The following NAAA variants were observed in gnomAD, a reference collection of about 807,000 sequenced individuals.
The protein encoded by NAAA is N-acylethanolamine-hydrolyzing acid amidase.
NAAA carries 39 observed loss-of-function variants against 44.8 expected under a neutral mutation model. That is an observed-to-expected ratio of 0.87 (90% CI 0.67 to 1.14). NAAA has a LOEUF of 1.14. Among genes scored for constraint, NAAA ranks in the 50% most tolerant of loss-of-function variants. The probability of loss-of-function intolerance (pLI) is 0.00; values close to 1 mark genes in which losing one functional copy is unlikely to be tolerated. For missense variants in NAAA, 460 were observed against 467.8 expected (o/e 0.98, Z 0.15); for synonymous variants, 178 against 191.3 (o/e 0.93, Z 0.58).
chr4:75,918,986 A>C (rs1293567922), intron 8 of NAAA, among the ~76,000 whole-genome samples, 197 bp from the exon 9 acceptor site: 1 of 152,124 alleles, frequency 6.6e-6, no homozygotes, highest in Non-Finnish European at 1.5e-5. Context: ...TTACTAAAAA[A>C]GAAAAAAAAA....
At chr4:75,936,294 A>G (rs1727713720) in intron 2 of NAAA, 59 bp from the exon 3 acceptor site, 3 of 1,563,464 alleles carry the variant, frequency 1.9e-6, no homozygotes, top group Admixed American at 2.1e-5. Flanking sequence ...AAAAAGGAAA[A>G]GGAGTTTTTC....
At chr4:75,916,070 CT>C (rs1323675332) in intron 9 of NAAA, among the ~76,000 whole-genome samples, 2 of 152,194 alleles carry the variant, frequency 1.3e-5, no homozygotes, top group African/African-American at 4.8e-5. Context: ...TGCTCGTTTA[CT>C]TTAGTCATAG....
chr4:75,934,049 GTAGTAATAA>G (rs1273229437), intron 3 of NAAA, among the ~76,000 whole-genome samples: 1 of 87,036 alleles, frequency 1.1e-5, no homozygotes, highest in African/African-American at 4.0e-5. Context: ...AACAATAGTA[GTAGTAATAA>G]TAATAATAAT....
intron 4 of NAAA, among the ~76,000 whole-genome samples, chr4:75,926,330 G>A (rs1284061131): frequency 6.6e-6 from 1 of 152,118 alleles, no homozygotes; most frequent in African/African-American, 2.4e-5. Flanking sequence ...GGAGGCCGAG[G>A]TGGGCGGATC....
intron 1 of NAAA, 88 bp downstream of exon 1, chr4:75,940,656 C>T: frequency 4.4e-6 from 6 of 1,369,942 alleles, no homozygotes; most frequent in Non-Finnish European, 5.8e-6. Context: ...GTAAAGCGTC[C>T]CCGTTTAAAG....
At position 75,919,836 on chromosome 4, in the gene NAAA, C is replaced by T. The variant is rs746598566; in HGVS notation, c.969+73G>A. ...CGTTTTCATCTACCAGAAGATTTCA[C>T]GGAGTTTTTCATATTCACTATTAAC... On this transcript the variant is annotated intron_variant, in intron 8 of 10. Transcript: ENST00000286733. 7.3e-5 allele frequency: 100 copies of T among 1,371,220 alleles called. 1 individual carries two copies. In the Admixed American group the frequency reaches 1.3e-3, roughly 18 times the overall value. The allele number at this position is 1,371,220 out of a possible 1,614,324, so 84.9% of individuals were successfully genotyped here. A position where few individuals can be genotyped will look rare whatever the true frequency, so the allele number is the denominator to read the frequency against.
chr4:75,934,225 C>A (rs1017257420), intron 3 of NAAA, among the ~76,000 whole-genome samples: 4 of 151,760 alleles, frequency 2.6e-5, no homozygotes, highest in African/African-American at 9.7e-5. Flanking sequence ...GAAGCTGGGC[C>A]CCCTCATCTA....
downstream of NAAA, among the ~76,000 whole-genome samples, chr4:75,912,592 T>C (rs1702845830): frequency 6.7e-6 from 1 of 149,330 alleles, no homozygotes; most frequent in South Asian, 2.1e-4. Flanking sequence ...CTGGCCAACA[T>C]GGCAAAAGCC....
Position 75,913,796 on chromosome 4 carries a change from A to G in NAAA, c.*579T>C. The G allele has an allele frequency of 2.0e-6, 2 of 984,938 alleles. No homozygotes were observed. The highest frequency in any genetic ancestry group is 4.7e-5 in the South Asian group (1 of 21,282). 61.0% of individuals were successfully genotyped at this position (984,938 alleles called of 1,614,324 possible). ...AGAAAGTAGCTATTGAGAAAGAAGG[A>G]GGGCCATAGGTTTTTCAATAAAACG... On this transcript the variant is annotated 3_prime_UTR_variant, in exon 11 of 11. Transcript: ENST00000286733.
At position 75,940,400 on chromosome 4, in the gene NAAA, G is replaced by C. The variant is rs944378558; in HGVS notation, c.207-235C>G. The C allele has an allele frequency of 2.0e-5, 12 of 589,032 alleles. No individual in the cohort carries two copies. The African/African-American group carries it at 2.0e-4, about 10-fold the overall frequency. The allele number at this position is 589,032 out of a possible 1,614,324, so 36.5% of individuals were successfully genotyped here. On this transcript the variant is annotated intron_variant, in intron 1 of 10. Coordinates refer to ENST00000286733, the MANE Select transcript of NAAA (RefSeq NM_014435.4). ...AACTCCGAATGGGGAGGGCGAGTGAGGCTGGTCCCAAAGGGGCAAGCTTGG... is the reference window on the plus strand; with the variant it reads ...AACTCCGAATGGGGAGGGCGAGTGACGCTGGTCCCAAAGGGGCAAGCTTGG...
downstream of NAAA, among the ~76,000 whole-genome samples, chr4:75,912,164 G>A (rs142638029): frequency 0.014 from 2,133 of 152,304 alleles, 44 homozygotes; most frequent in African/African-American, 0.047. Flanking sequence ...CAATGCCTTC[G>A]CTTTGCCTGG....
At chr4:75,939,937 C>G in intron 2 of NAAA, 64 bp downstream of exon 2, 2 of 1,577,712 alleles carry the variant, frequency 1.3e-6, no homozygotes, top group Non-Finnish European at 1.7e-6. Flanking sequence ...TGTCTCCTCC[C>G]GCTAGTCTGT....
At chr4:75,938,327 G>A (rs186209147) in intron 2 of NAAA, among the ~76,000 whole-genome samples, 8 of 152,278 alleles carry the variant, frequency 5.3e-5, no homozygotes, top group Admixed American at 3.9e-4. Context: ...GTTTTTACTA[G>A]AACTTTTGCT....
At chr4:75,938,253 T>G (rs1439717345) in intron 2 of NAAA, among the ~76,000 whole-genome samples, 5 of 152,238 alleles carry the variant, frequency 3.3e-5, no homozygotes, top group Non-Finnish European at 1.5e-5. Flanking sequence ...TTAATGCTAG[T>G]GAATTGAATG....
chr4:75,919,384 C>T (rs969525784), intron 8 of NAAA: 1 of 153,660 alleles, frequency 6.5e-6, no homozygotes, highest in Admixed American at 6.5e-5. Flanking sequence ...AAACAATGAA[C>T]ATATATTACA....
intron 5 of NAAA, among the ~76,000 whole-genome samples, chr4:75,921,453 A>C (rs75211785): frequency 0.033 from 5,078 of 152,008 alleles, 276 homozygotes; most frequent in African/African-American, 0.12. Flanking sequence ...TTTATTATTT[A>C]AACAGGGTTT....
At chr4:75,929,794 T>A (rs1727066142) in intron 4 of NAAA, among the ~76,000 whole-genome samples, 1 of 151,988 alleles carries the variant, frequency 6.6e-6, no homozygotes, top group African/African-American at 2.4e-5. Context: ...AAGATAAGAA[T>A]AAACAATAAC....
At chr4:75,912,286 G>A (rs992436288), downstream of NAAA, among the ~76,000 whole-genome samples, 1 of 151,808 alleles carries the variant, frequency 6.6e-6, no homozygotes, top group African/African-American at 2.4e-5. Context: ...TGGGCGCGGT[G>A]GCTCACGCCT....
At position 75,941,013 on chromosome 4, in the gene NAAA, T is replaced by C; in HGVS notation, c.-64A>G. 7.2e-7 allele frequency: 1 copy of C among 1,396,058 alleles called. No individual in the cohort carries two copies. The highest frequency in any genetic ancestry group is 9.3e-7 in the Non-Finnish European group (1 of 1,079,266). 86.5% of individuals were successfully genotyped at this position (1,396,058 alleles called of 1,614,324 possible). The stretch of plus-strand genomic sequence containing the variant: ...CCGCTGTCGGAGCCCGGGTAAGCCG[T>C]GGAGGAGGAGGAGCTGGGGCTGGGC... On this transcript the variant is annotated 5_prime_UTR_variant, in exon 1 of 11. Coordinates refer to ENST00000286733, the MANE Select transcript of NAAA (RefSeq NM_014435.4).
Sources: allele counts gnomAD v4.1 joint callset (sites outside exome capture counted in the v4.1 genomes callset), GRCh38; gene constraint gnomAD v4.1.1; transcripts MANE v1.5; gene names NCBI Gene and HGNC (gene_info 2026-07-23, HGNC 2026-07-21).